PCDHA1: variants seen among roughly 807,000 people sequenced by gnomAD.
PCDHA1 encodes protocadherin alpha-1.
PCDHA1 carries 42 observed loss-of-function variants against 61.3 expected under a neutral mutation model. The ratio of observed to expected loss-of-function variants is 0.69; its 90% CI spans 0.54 to 0.89. The LOEUF (loss-of-function observed/expected upper bound fraction) is 0.89, where lower values mean the gene tolerates loss of function less well. Among genes scored for constraint, PCDHA1 ranks in the 40% least tolerant of loss-of-function variants. The probability of loss-of-function intolerance (pLI) is 0.00; values close to 1 mark genes in which losing one functional copy is unlikely to be tolerated. For missense variants in PCDHA1, 1,256 were observed against 1,235.3 expected (o/e 1.02, Z -0.25); for synonymous variants, 610 against 553.8 (o/e 1.10, Z -1.43).
At chr5:140,856,713 C>T in intron 1 of PCDHA1, 1 of 1,596,470 alleles carries the variant, frequency 6.3e-7, no homozygotes, top group Non-Finnish European at 8.6e-7. Context: ...CCTGAATTTA[C>T]CGGATCTGTT....
At chr5:140,814,813 A>G (rs1765596330) in intron 1 of PCDHA1, 1 of 152,138 alleles carries the variant, frequency 6.6e-6, no homozygotes, top group Non-Finnish European at 1.5e-5. Context: ...ACTTTATTGT[A>G]TTGCTATCTA....
chr5:140,999,712 C>T (rs1411166924), intron 3 of PCDHA1, among the ~76,000 whole-genome samples: 9 of 152,204 alleles, frequency 5.9e-5, no homozygotes, highest in African/African-American at 9.6e-5. Flanking sequence ...TAGCTAACTA[C>T]GGAGACCAGC....
At position 140,883,742 on chromosome 5, in the gene PCDHA1, T is replaced by C. The variant is rs782074620; in HGVS notation, c.2394+95058T>C. 8 of 1,613,220 alleles carry C rather than the reference T, an allele frequency of 5.0e-6. No homozygotes were observed. In the African/African-American group the frequency reaches 8.0e-5, roughly 16 times the overall value. ...CGCACAGGAGAACGCGCTGGTCTCC[T>C]ACTCGCTGGTGGAGCGGCGGGTGGG... On this transcript the variant is annotated intron_variant, in intron 1 of 3. Transcript: ENST00000504120.
chr5:140,923,641 T>C (rs2081461052), intron 1 of PCDHA1, among the ~76,000 whole-genome samples: 1 of 152,230 alleles, frequency 6.6e-6, no homozygotes. Context: ...CAAAAATCTT[T>C]AGCCTCCCTT....
intron 3 of PCDHA1, among the ~76,000 whole-genome samples, chr5:140,996,441 C>G (rs2097726719): frequency 6.6e-6 from 1 of 152,146 alleles, no homozygotes; most frequent in Non-Finnish European, 1.5e-5. Context: ...TAGTCAGTGT[C>G]AAGTTGTGGT....
chr5:140,856,754 G>A (rs536378352), intron 1 of PCDHA1: 8 of 1,596,774 alleles, frequency 5.0e-6, no homozygotes, highest in African/African-American at 1.3e-5. Flanking sequence ...AGATGCCAAT[G>A]ATAACGCCCC....
At position 140,786,702 on chromosome 5, in the gene PCDHA1, C is replaced by A. The variant is rs782163496; in HGVS notation, c.412C>A (p.Gln138Lys). The change falls in exon 1 of 4, where the codon CAA becomes AAA. Residue 138 changes from glutamine (Q) to lysine (K), a missense_variant. Transcript: ENST00000504120. ...DNPPVFRGREQIIFIPESRLL... is the reference protein window; with the variant it reads ...DNPPVFRGREKIIFIPESRLL... The stretch of plus-strand genomic sequence containing the variant: ...TCCACCCGTCTTCAGGGGCAGAGAA[C>A]AAATAATATTTATTCCTGAATCTAG... 3 of 1,614,190 alleles carry A rather than the reference C, an allele frequency of 1.9e-6. No individual in the cohort carries two copies. The highest frequency in any genetic ancestry group is 2.5e-6 in the Non-Finnish European group (3 of 1,180,028).
intron 1 of PCDHA1, chr5:140,856,762 C>T: frequency 6.3e-7 from 1 of 1,596,712 alleles, no homozygotes; most frequent in Non-Finnish European, 8.6e-7. Context: ...ATGATAACGC[C>T]CCTATCTTTG....
chr5:141,003,167 C>T (rs1160809977), intron 3 of PCDHA1, among the ~76,000 whole-genome samples: 1 of 152,180 alleles, frequency 6.6e-6, no homozygotes, highest in Non-Finnish European at 1.5e-5. Context: ...AATCCTAGTC[C>T]CTGAGGCTCA....
chr5:140,794,872 T>C, intron 1 of PCDHA1: 1 of 1,347,756 alleles, frequency 7.4e-7, no homozygotes, highest in Non-Finnish European at 1.0e-6. Flanking sequence ...AGCGGAGGAA[T>C]AAGAGAAGCA....
chr5:140,872,338 A>G (rs970096150), intron 1 of PCDHA1, among the ~76,000 whole-genome samples: 2 of 152,156 alleles, frequency 1.3e-5, no homozygotes, highest in Non-Finnish European at 2.9e-5. Flanking sequence ...AAAATTCTAC[A>G]TGTTCTTGCC....
intron 1 of PCDHA1, chr5:140,870,088 A>G: frequency 1.9e-6 from 3 of 1,613,934 alleles, no homozygotes; most frequent in Non-Finnish European, 2.5e-6. Flanking sequence ...GACTCCCCCA[A>G]TGGCAGGTCA....
At chr5:140,836,158 C>G in intron 1 of PCDHA1, 1 of 1,613,784 alleles carries the variant, frequency 6.2e-7, no homozygotes, top group Non-Finnish European at 8.5e-7. Context: ...CATGTGGTGG[C>G]GAAGGTACGT....
At chr5:140,912,174 A>G (rs2075803513) in intron 1 of PCDHA1, among the ~76,000 whole-genome samples, 1 of 152,166 alleles carries the variant, frequency 6.6e-6, no homozygotes, top group Non-Finnish European at 1.5e-5. Flanking sequence ...CTGTGCTGGC[A>G]GCTGATTAGA....
At chr5:140,875,608 G>C in intron 1 of PCDHA1, 1 of 1,613,844 alleles carries the variant, frequency 6.2e-7, no homozygotes, top group Non-Finnish European at 8.5e-7. Context: ...CACCTTCGTG[G>C]GCCGCATCGC....
chr5:140,928,296 T>C (rs2085128137), intron 1 of PCDHA1: 6 of 1,614,054 alleles, frequency 3.7e-6, no homozygotes, highest in African/African-American at 1.3e-5. Flanking sequence ...GCCGAGTGTT[T>C]GCCCAGGACC....
intron 1 of PCDHA1, chr5:140,812,064 T>G (rs1765026594): frequency 6.6e-6 from 1 of 151,886 alleles, no homozygotes; most frequent in African/African-American, 2.4e-5. Context: ...TTTTTTTTTT[T>G]GGAAGAGTTT....
chr5:140,809,417 G>C (rs1168580497), intron 1 of PCDHA1: 4 of 1,614,124 alleles, frequency 2.5e-6, no homozygotes, highest in Non-Finnish European at 3.4e-6. Context: ...GTGCTCCAGT[G>C]CGGTGGGGAG....
chr5:140,870,297 C>T, intron 1 of PCDHA1: 1 of 1,614,186 alleles, frequency 6.2e-7, no homozygotes, highest in Non-Finnish European at 8.5e-7. Context: ...AGCTGGTGTC[C>T]ACCTTCAAGA....
Sources: gnomAD v4.1 joint callset for allele counts (sites outside exome capture counted in the v4.1 genomes callset) on GRCh38, gnomAD v4.1.1 for gene constraint, MANE v1.5 for transcripts, NCBI Gene and HGNC (gene_info 2026-07-23, HGNC 2026-07-21) for gene names.